Variants in SMARCA4 observed in about 807,000 individuals in gnomAD.
SMARCA4 encodes SWI/SNF related BAF chromatin remodeling complex subunit ATPase 4.
Under a neutral mutation model 193.9 loss-of-function variants are expected in SMARCA4, and 31 were observed. The ratio of observed to expected loss-of-function variants is 0.16; its 90% CI spans 0.12 to 0.22. SMARCA4 has a LOEUF of 0.22. Ranked by LOEUF, SMARCA4 falls within the 10% of genes least tolerant of loss-of-function variation. SMARCA4 has a pLI of 1.00. For missense variants in SMARCA4, 1,148 were observed against 2,296.0 expected (o/e 0.50, Z 10.22); for synonymous variants, 942 against 933.1 (o/e 1.01, Z -0.17).
In SMARCA4 at chr19:11,026,323, G is replaced by T. The variant is rs773244413; in HGVS notation, c.3192G>T (p.Gly1064=). ...HIEESFSEHL[G]FTGGIVQGLD... is the part of the protein sequence containing the mutation. The stretch of plus-strand genomic sequence containing the variant: ...AGGAGTCCTTTTCCGAGCACTTGGG[G>T]TTCACTGGCGGCATTGTCCAAGGGT... The change falls in exon 23 of 35, where the codon GGG becomes GGT. Residue 1064 remains glycine, a synonymous_variant. Transcript: ENST00000344626. 7 of 1,613,840 alleles carry T rather than the reference G, an allele frequency of 4.3e-6. No individual in the cohort carries two copies. Among genetic ancestry groups the T allele is most frequent in the Non-Finnish European group, 5.9e-6 (7 of 1,179,948 alleles).
chr19:10,977,139 T>C (rs1400459948), intron 1 of SMARCA4, among the ~76,000 whole-genome samples: 1 of 152,128 alleles, frequency 6.6e-6, no homozygotes, highest in Admixed American at 6.6e-5. Flanking sequence ...AGGGTGGGCG[T>C]GTCATGGCTG....
chr19:11,061,194 AAAAAAAAAAAATATATATATAT>A (rs1297163692), intron 34 of SMARCA4, among the ~76,000 whole-genome samples: 31 of 64,938 alleles, frequency 4.8e-4, no homozygotes, highest in Non-Finnish European at 5.7e-4. Context: ...TCTTTAAAAA[AAAAAAAAAAAATATATATATAT>A]ATATATATAT....
chr19:11,016,870 C>CA (rs1568477869), intron 16 of SMARCA4, among the ~76,000 whole-genome samples: 1 of 152,086 alleles, frequency 6.6e-6, no homozygotes, highest in Non-Finnish European at 1.5e-5. Flanking sequence ...GCTGCAGGCT[C>CA]ATGTAGTCTA....
chr19:10,968,977 C>T (rs1352941957), intron 1 of SMARCA4, among the ~76,000 whole-genome samples: 2 of 152,160 alleles, frequency 1.3e-5, no homozygotes, highest in African/African-American at 4.8e-5. Context: ...TGCCCTTCCT[C>T]TTGACTCTGC....
rs1555752113 is a variant in SMARCA4, at chr19:10,985,361, C to T, written c.311C>T (p.Ala104Val). ...KGMGMRSGGH[A>V]GMGPPPSPMD... ...ATGGGGATGCGGTCAGGGGGCCATGCTGGGATGGGGCCCCCGCCCAGCCCC... is the reference window on the plus strand; with the variant it reads ...ATGGGGATGCGGTCAGGGGGCCATGTTGGGATGGGGCCCCCGCCCAGCCCC... The change falls in exon 3 of 35, where the codon GCT becomes GTT. Residue 104 changes from alanine (A) to valine (V), a missense_variant. By Grantham distance (64) the Ala-to-Val change is moderately conservative (BLOSUM62 0). Transcript: ENST00000344626. The surrounding 1 kb of genome is among the most constrained non-coding windows in gnomAD (Gnocchi z 4.5). 4 of 1,614,018 alleles carry T rather than the reference C, an allele frequency of 2.5e-6. No homozygotes were observed. Among genetic ancestry groups the T allele is most frequent in the Non-Finnish European group, 3.4e-6 (4 of 1,179,982 alleles).
intron 21 of SMARCA4, 145 bp from the exon 22 acceptor site, chr19:11,025,277 C>T (rs551325953): frequency 3.0e-6 from 2 of 676,244 alleles, no homozygotes; most frequent in East Asian, 5.5e-5. Flanking sequence ...CCTGCCATCT[C>T]CTCACTCCCA....
chr19:11,002,634 G>C (rs1479037811), intron 11 of SMARCA4, among the ~76,000 whole-genome samples: 1 of 151,990 alleles, frequency 6.6e-6, no homozygotes, highest in African/African-American at 2.4e-5. Flanking sequence ...TGAGTGTCTG[G>C]ACTATTTGAA....
intron 34 of SMARCA4, 124 bp from the exon 35 acceptor site, chr19:11,061,660 G>A: frequency 2.1e-6 from 2 of 947,382 alleles, no homozygotes; most frequent in South Asian, 1.3e-5. Context: ...ACGGGCGTGA[G>A]CCACCGTGCC....
Position 11,061,822 on chromosome 19 carries a change from G to A in SMARCA4, c.*6G>A, listed in dbSNP as rs761244906. 1.4e-5 allele frequency: 23 copies of A among 1,613,728 alleles called. No individual in the cohort carries two copies. The highest frequency in any genetic ancestry group is 6.7e-5 in the Admixed American group (4 of 59,992). On this transcript the variant is annotated 3_prime_UTR_variant, in exon 35 of 35. Coordinates refer to ENST00000344626, the MANE Select transcript of SMARCA4 (RefSeq NM_003072.5). The stretch of plus-strand genomic sequence containing the variant: ...GTGGCAGCGAAGAAGACTGAGCCCC[G>A]ACATTCCAGTCTCGACCCCGAGCCC...
At chr19:11,037,598 G>A (rs562146065) in intron 29 of SMARCA4, among the ~76,000 whole-genome samples, 122 of 152,156 alleles carry the variant, frequency 8.0e-4, no homozygotes, top group Non-Finnish European at 9.6e-4. Context: ...TTCTCTTTTC[G>A]CTTCCGTGAT....
intron 13 of SMARCA4, 83 bp downstream of exon 13, chr19:11,003,480 C>G (rs1393209160): frequency 1.5e-6 from 2 of 1,321,434 alleles, no homozygotes; most frequent in Non-Finnish European, 2.2e-6. Flanking sequence ...CCGTCTCCTG[C>G]CCTGGCTGGG....
intron 7 of SMARCA4, among the ~76,000 whole-genome samples, chr19:10,989,990 G>A (rs1163965775): frequency 1.3e-5 from 2 of 151,522 alleles, no homozygotes; most frequent in African/African-American, 2.4e-5. Context: ...GAGCCACCAC[G>A]TGCTGTCCTG....
At chr19:10,961,726 A>T (rs924106007) in intron 1 of SMARCA4, 5 of 152,162 alleles carry the variant, frequency 3.3e-5, no homozygotes, top group South Asian at 2.1e-4. Flanking sequence ...ATTTTCAAGG[A>T]AAGGTAAAGG....
intron 24 of SMARCA4, among the ~76,000 whole-genome samples, chr19:11,029,207 TTCCTC>T (rs1386271560): frequency 6.6e-6 from 1 of 152,178 alleles, no homozygotes; most frequent in Non-Finnish European, 1.5e-5. Context: ...CCCCCACCCT[TTCCTC>T]TCCTACGGTC....
intron 21 of SMARCA4, among the ~76,000 whole-genome samples, chr19:11,024,907 G>A (rs1046829655): frequency 6.6e-6 from 1 of 151,788 alleles, no homozygotes; most frequent in Admixed American, 6.6e-5. Context: ...TCCCCGAGAC[G>A]TTGTGTCTGT....
At chr19:11,024,825 G>A (rs1325791920) in intron 21 of SMARCA4, among the ~76,000 whole-genome samples, 3 of 152,150 alleles carry the variant, frequency 2.0e-5, no homozygotes, top group Non-Finnish European at 1.5e-5. Context: ...CTCACCAGCA[G>A]TGAAATTATC....
chr19:11,015,708 A>C (rs1309928914), intron 16 of SMARCA4, among the ~76,000 whole-genome samples: 1 of 152,098 alleles, frequency 6.6e-6, no homozygotes, highest in Non-Finnish European at 1.5e-5. Flanking sequence ...AGACTAGGTG[A>C]TAAAGAAAAG....
At chr19:11,050,476 T>C (rs907469586) in intron 30 of SMARCA4, among the ~76,000 whole-genome samples, 7 of 152,236 alleles carry the variant, frequency 4.6e-5, no homozygotes, top group Admixed American at 4.6e-4. Flanking sequence ...ACGCCAGCAC[T>C]GTGTGCACTG....
rs746407059 is a variant in SMARCA4 at position 11,026,372 on chromosome 19, G to A, written c.3215+26G>A. 1.1e-5 allele frequency: 17 copies of A among 1,596,402 alleles called. No homozygotes were observed. In the East Asian group the frequency reaches 3.8e-4, roughly 36 times the overall value. On this transcript the variant is annotated intron_variant, in intron 23 of 34. Coordinates refer to ENST00000344626, the MANE Select transcript of SMARCA4 (RefSeq NM_003072.5). Reference sequence around the variant, plus strand: ...GTGAGAAGCTTCCCAACTGGATGGGGTGGGCAGGTGGTCCACCCAGAGGTT... The same window carrying A: ...GTGAGAAGCTTCCCAACTGGATGGGATGGGCAGGTGGTCCACCCAGAGGTT...
Sources: gnomAD v4.1 joint callset for allele counts (sites outside exome capture counted in the v4.1 genomes callset) on GRCh38, gnomAD v4.1.1 for gene constraint, Gnocchi (gnomAD v3.1) non-coding constraint, MANE v1.5 for transcripts, NCBI Gene and HGNC (gene_info 2026-07-23, HGNC 2026-07-21) for gene names.